The following NPLOC4 variants were observed in gnomAD, a reference collection of about 807,000 sequenced individuals.
NPLOC4 encodes NPL4 homolog, ubiquitin recognition factor, also known as nuclear protein localization protein 4 homolog.
Under a neutral mutation model 80.6 loss-of-function variants are expected in NPLOC4, and 18 were observed. The observed-to-expected ratio is 0.22, with a 90% CI of 0.15 to 0.33. The LOEUF is 0.33. Ranked by LOEUF, NPLOC4 falls within the 10% of genes least tolerant of loss-of-function variation. NPLOC4 has a pLI of 1.00. For synonymous variants in NPLOC4, 313 were observed against 301.5 expected (o/e 1.04, Z -0.39); for missense variants, 540 against 786.1 (o/e 0.69, Z 3.74).
At chr17:81,612,358 C>T (rs760229550) in intron 4 of NPLOC4, among the ~76,000 whole-genome samples, 2 of 152,150 alleles carry the variant, frequency 1.3e-5, no homozygotes, top group Admixed American at 1.3e-4. Flanking sequence ...TTCTCTCACA[C>T]ACACACGCTC....
At chr17:81,588,528 T>C (rs756341848) in intron 12 of NPLOC4, among the ~76,000 whole-genome samples, 1 of 152,190 alleles carries the variant, frequency 6.6e-6, no homozygotes, top group East Asian at 1.9e-4. Flanking sequence ...ATCTACTTTT[T>C]GTAGAGACAC....
chr17:81,588,908 C>A, intron 12 of NPLOC4, 36 bp downstream of exon 12: 2 of 1,589,626 alleles, frequency 1.3e-6, no homozygotes, highest in Non-Finnish European at 1.7e-6. Context: ...ACACCATTCT[C>A]CATGTACAGA....
chr17:81,598,094 C>CAAAA (rs71367068), intron 9 of NPLOC4, among the ~76,000 whole-genome samples: 18 of 88,216 alleles, frequency 2.0e-4, no homozygotes, highest in Admixed American at 1.5e-3. Context: ...GACTCTGTCT[C>CAAAA]AAAAAAAAAA....
chr17:81,592,148 T>C (rs2034767331), intron 11 of NPLOC4, among the ~76,000 whole-genome samples: 1 of 152,216 alleles, frequency 6.6e-6, no homozygotes, highest in Non-Finnish European at 1.5e-5. Context: ...ACCTGAGTGC[T>C]GTCGGCAGGG....
At position 81,582,749 on chromosome 17, in the gene NPLOC4, T is replaced by C. The variant is rs73369240; in HGVS notation, c.1281+6195A>G. On this transcript the variant is annotated intron_variant, in intron 12 of 16. Coordinates refer to ENST00000331134, the MANE Select transcript of NPLOC4 (RefSeq NM_017921.4). ...AAAAGACAGAAGACAGTCAAGCGCC[T>C]CCTGGCTGTACAACAGTCTACGAGT... is the stretch of plus-strand genomic sequence containing the variant. 2.1e-3 allele frequency among the ~76,000 whole-genome samples: 324 copies of C among 152,350 alleles called. 1 individual carries two copies. The highest frequency in any genetic ancestry group is 7.2e-3 in the African/African-American group (299 of 41,576).
At chr17:81,618,634 C>T (rs1471763528) in intron 3 of NPLOC4, among the ~76,000 whole-genome samples, 1 of 150,226 alleles carries the variant, frequency 6.7e-6, no homozygotes, top group Non-Finnish European at 1.5e-5. Flanking sequence ...GTGAGGGGCG[C>T]CTCTGCCCGG....
intron 2 of NPLOC4, among the ~76,000 whole-genome samples, chr17:81,624,762 G>A (rs1368278826): frequency 6.6e-6 from 1 of 152,218 alleles, no homozygotes; most frequent in African/African-American, 2.4e-5. Flanking sequence ...CAGCTGAGCA[G>A]GGCCCACCCA....
At chr17:81,620,513 A>T (rs1033640252) in intron 3 of NPLOC4, among the ~76,000 whole-genome samples, 2 of 151,886 alleles carry the variant, frequency 1.3e-5, no homozygotes, top group African/African-American at 2.4e-5. Flanking sequence ...ATAAATAAAT[A>T]AAAAAATGCA....
chr17:81,634,326 C>T (rs912352891), intron 1 of NPLOC4, among the ~76,000 whole-genome samples: 1 of 151,868 alleles, frequency 6.6e-6, no homozygotes, highest in African/African-American at 2.4e-5. Context: ...AGATCTCTTT[C>T]TTAAATTCAA....
rs570527085 is a variant in NPLOC4, at chr17:81,596,258, C to A, written c.994-16G>T. 43 of 1,594,516 alleles carry A rather than the reference C, an allele frequency of 2.7e-5. No individual in the cohort carries two copies. The South Asian group carries it at 4.6e-4, about 17-fold the overall frequency. ...AATAGGTGTCCTAAGACAAGAGAAG[C>A]AGCCTATCAAATTTTACAGCATCAT... On this transcript the variant is annotated splice_polypyrimidine_tract_variant and intron_variant, in intron 10 of 16. Transcript: ENST00000331134.
At chr17:81,629,192 CTTTTTT>C (rs141999520) in intron 2 of NPLOC4, among the ~76,000 whole-genome samples, 1 of 115,784 alleles carries the variant, frequency 8.6e-6, no homozygotes, top group Non-Finnish European at 1.7e-5. Flanking sequence ...TTATGAAATA[CTTTTTT>C]TTTTTTTTTT....
chr17:81,580,504 G>A lies in NPLOC4; in HGVS notation c.1282-8416C>T, dbSNP rs2034409213. ...TTCCAACCATAGATTCAGCTTCCAA[G>A]GGCCCCTCCCACCTCTACCCCAGCA... On this transcript the variant is annotated intron_variant, in intron 12 of 16. Coordinates refer to ENST00000331134, the MANE Select transcript of NPLOC4 (RefSeq NM_017921.4). The surrounding 1 kb of genome is among the most constrained non-coding windows in gnomAD (Gnocchi z 4.4). Among the ~76,000 whole-genome samples the A allele has an allele frequency of 6.6e-6, 1 of 152,106 alleles. No individual in the cohort carries two copies. Among genetic ancestry groups the A allele is most frequent in the Non-Finnish European group, 1.5e-5 (1 of 68,002 alleles).
At chr17:81,622,707 C>T (rs977649419) in intron 2 of NPLOC4, among the ~76,000 whole-genome samples, 4 of 151,986 alleles carry the variant, frequency 2.6e-5, no homozygotes, top group African/African-American at 7.2e-5. Context: ...CCTGCCACCA[C>T]ACCCGGCTGA....
At chr17:81,607,276 C>G (rs936776030) in intron 6 of NPLOC4, among the ~76,000 whole-genome samples, 4 of 151,830 alleles carry the variant, frequency 2.6e-5, no homozygotes, top group African/African-American at 9.7e-5. Context: ...ATAATTAAGG[C>G]ATCTTTACTC....
intron 9 of NPLOC4, among the ~76,000 whole-genome samples, chr17:81,597,833 C>T (rs566099636): frequency 1.4e-3 from 215 of 150,900 alleles, no homozygotes; most frequent in African/African-American, 5.0e-3. Flanking sequence ...TGGTGGCTCA[C>T]GCCTGTAATT....
chr17:81,576,416 G>T (rs531424126), intron 12 of NPLOC4, among the ~76,000 whole-genome samples: 2 of 152,050 alleles, frequency 1.3e-5, no homozygotes, highest in Non-Finnish European at 2.9e-5. Context: ...TCATGTATAC[G>T]GAGGTCTAAC....
chr17:81,597,190 A>G (rs886227616), intron 10 of NPLOC4, 55 bp downstream of exon 10: 1 of 1,339,346 alleles, frequency 7.5e-7, no homozygotes, highest in Non-Finnish European at 1.1e-6. Context: ...ATGCAGGCCA[A>G]CACCATCTGT....
At chr17:81,574,477 A>G (rs2034239176) in intron 12 of NPLOC4, among the ~76,000 whole-genome samples, 1 of 152,152 alleles carries the variant, frequency 6.6e-6, no homozygotes, top group African/African-American at 2.4e-5. Context: ...TTAAAAGGCA[A>G]TTACTTTTTA....
At chr17:81,603,092 C>T (rs1034765298) in intron 8 of NPLOC4, among the ~76,000 whole-genome samples, 3 of 151,578 alleles carry the variant, frequency 2.0e-5, no homozygotes, top group Non-Finnish European at 4.4e-5. Flanking sequence ...TTGCTTGAGC[C>T]CAAGAGGGCT....
Sources: gnomAD v4.1 joint callset for allele counts (sites outside exome capture counted in the v4.1 genomes callset) on GRCh38, gnomAD v4.1.1 for gene constraint, Gnocchi (gnomAD v3.1) non-coding constraint, MANE v1.5 for transcripts, NCBI Gene and HGNC (gene_info 2026-07-23, HGNC 2026-07-21) for gene names.